DNHD1: variants seen among roughly 807,000 people sequenced by gnomAD.
DNHD1 encodes dynein heavy chain domain 1, also known as dynein heavy chain domain-containing protein 1.
DNHD1 carries 383 observed loss-of-function variants against 458.1 expected under a neutral mutation model. That is an observed-to-expected ratio of 0.84 (90% confidence interval 0.77 to 0.91). The LOEUF (loss-of-function observed/expected upper bound fraction) is 0.91, where lower values mean the gene tolerates loss of function less well. Among genes scored for constraint, DNHD1 ranks in the 40% least tolerant of loss-of-function variants. DNHD1 has a pLI of 0.00. For missense variants in DNHD1, 5,336 were observed against 5,866.1 expected (o/e 0.91, Z 2.95); for synonymous variants, 2,203 against 2,376.9 (o/e 0.93, Z 2.13).
At chr11:6,562,831 G>C (rs1432103682) in intron 28 of DNHD1, 151 bp from the exon 29 acceptor site, 1 of 867,434 alleles carries the variant, frequency 1.2e-6, no homozygotes. Context: ...GACAGACCCA[G>C]AGCTCAGCCT....
At chr11:6,544,738 A>G in intron 20 of DNHD1, 54 bp from the exon 21 acceptor site, 1 of 1,540,900 alleles carries the variant, frequency 6.5e-7, no homozygotes, top group Non-Finnish European at 8.8e-7. Flanking sequence ...AGCGTGGGAA[A>G]GGGGAGCTGC....
rs1446196003 is a variant in DNHD1, at chr11:6,568,444, C to G, written c.12539-10C>G. On this transcript the variant is annotated splice_polypyrimidine_tract_variant and intron_variant, in intron 37 of 42. Transcript: ENST00000254579. ...CCAAGGACTGATCTCAGACCCTTGT[C>G]TGACTCTAGTGGTTGCAGACCTGGA... 6.2e-7 allele frequency: 1 copy of G among 1,612,990 alleles called. No individual in the cohort carries two copies. Among genetic ancestry groups the G allele is most frequent in the Admixed American group, 1.7e-5 (1 of 60,032 alleles).
At chr11:6,518,008 T>G (rs1193415645) in intron 7 of DNHD1, among the ~76,000 whole-genome samples, 2 of 152,184 alleles carry the variant, frequency 1.3e-5, no homozygotes, top group East Asian at 3.8e-4. Flanking sequence ...CTAAAAATGT[T>G]TTTATTTATC....
At chr11:6,512,008 G>T (rs1322493335) in intron 7 of DNHD1, among the ~76,000 whole-genome samples, 2 of 151,586 alleles carry the variant, frequency 1.3e-5, no homozygotes, top group Non-Finnish European at 2.9e-5. Flanking sequence ...TGTGTAGATA[G>T]TCCGGTTCTG....
rs1853231029 is a variant in DNHD1 at position 6,546,858 on chromosome 11, G to T, written c.5919G>T (p.Gly1973=). ...TGGATCCCAGCCCTGACATTTTGGG[G>T]TCCTTGGAACAGTTGAGCCAGGCCC... is the stretch of plus-strand genomic sequence containing the variant. ...VGLDPSPDIL[G]SLEQLSQALS... Residue 1973 remains glycine, a synonymous_variant, in exon 21 of 43, where the codon GGG becomes GGT. Transcript: ENST00000254579. 1.3e-6 allele frequency: 2 copies of T among 1,551,648 alleles called. No homozygotes were observed. The highest frequency in any genetic ancestry group is 1.4e-5 in the African/African-American group (1 of 73,066).
chr11:6,519,657 G>C lies in DNHD1; in HGVS notation c.1450G>C (p.Asp484His). The change falls in exon 8 of 43, where the codon GAC (aspartate) becomes CAC (histidine). Residue 484 changes from aspartate (D) to histidine (H), a missense_variant. Asp to His is a moderately conservative substitution (Grantham distance 81). This residue lies in a region of DNHD1 where 3,932 missense variants were observed against 4,365.6 expected (regional missense o/e 0.90). Coordinates refer to ENST00000254579, the MANE Select transcript of DNHD1 (RefSeq NM_144666.3). ...QCLQERVQNC[D>H]RIRTGQGSIY... ...CCTACAGGAGCGAGTACAAAACTGTGACAGGATCAGGACAGGCCAAGGCTC... is the reference window on the plus strand; with the variant it reads ...CCTACAGGAGCGAGTACAAAACTGTCACAGGATCAGGACAGGCCAAGGCTC... 6.2e-7 allele frequency: 1 copy of C among 1,614,144 alleles called. No individual in the cohort carries two copies. The highest frequency in any genetic ancestry group is 8.5e-7 in the Non-Finnish European group (1 of 1,180,020).
At chr11:6,566,026 T>C (rs1187597720) in intron 33 of DNHD1, 35 bp downstream of exon 33, 3 of 1,540,254 alleles carry the variant, frequency 1.9e-6, no homozygotes, top group Admixed American at 2.0e-5. Flanking sequence ...TGGCCCCTTT[T>C]TGACTTGCCC....
intron 16 of DNHD1, 106 bp from the exon 17 acceptor site, chr11:6,539,113 C>CT: frequency 1.3e-6 from 1 of 770,852 alleles, no homozygotes; most frequent in South Asian, 1.7e-5. Context: ...GATCTGCTAT[C>CT]TGGGGTCTGA....
chr11:6,567,216 C>G lies in DNHD1; in HGVS notation c.11707C>G (p.Leu3903Val). The stretch of plus-strand genomic sequence containing the variant: ...ACGTGAGATTAATCACGGGGAGGAC[C>G]TGGCCAGCCATCTACTGCAATTGAG... ...KPREINHGED[L>V]ASHLLQLRAH... The change falls in exon 36 of 43, where the codon CTG becomes GTG. Residue 3903 changes from leucine to valine, a missense_variant. Leu to Val is a conservative substitution (Grantham distance 32, BLOSUM62 1). Coordinates refer to ENST00000254579, the MANE Select transcript of DNHD1 (RefSeq NM_144666.3). The G allele has an allele frequency of 4.3e-6, 7 of 1,613,984 alleles. No individual in the cohort carries two copies. The highest frequency in any genetic ancestry group is 5.9e-6 in the Non-Finnish European group (7 of 1,179,906).
chr11:6,506,535 A>T (rs540910913), intron 4 of DNHD1, among the ~76,000 whole-genome samples: 2 of 152,242 alleles, frequency 1.3e-5, no homozygotes, highest in East Asian at 3.9e-4. Flanking sequence ...CTGTTTCATT[A>T]TATTTATTTA....
chr11:6,524,870 C>CAAAA (rs757417817), intron 10 of DNHD1, among the ~76,000 whole-genome samples: 3 of 152,124 alleles, frequency 2.0e-5, no homozygotes, highest in East Asian at 3.8e-4. Context: ...GTGGCCTAAA[C>CAAAA]AAAATAAAAC....
Position 6,546,456 on chromosome 11 carries a change from T to G in DNHD1, c.5517T>G (p.Thr1839=). 6.4e-7 allele frequency: 1 copy of G among 1,551,172 alleles called. No individual in the cohort carries two copies. Among genetic ancestry groups the G allele is most frequent in the South Asian group, 1.2e-5 (1 of 84,064 alleles). ...ATCTGCGGCAAGTGGCAGAGCTGAC[T>G]CTGCTGGGTGCAGGGATGAGGGATG... The part of the protein sequence containing the change: ...LPDLRQVAEL[T]LLGAGMRDAF... Residue 1839 remains threonine, a synonymous_variant, in exon 21 of 43, where the codon ACT becomes ACG. Transcript: ENST00000254579.
chr11:6,509,170 A>C lies in DNHD1; in HGVS notation c.1133A>C (p.Lys378Thr). ...LLRKSFTCWK[K>T]NVRLQGLHRL... is the part of the protein sequence containing the mutation. ...TGACCTCTAATTTCTAGTTGGAAGA[A>C]GAATGTGAGATTACAGGGGCTGCAT... Residue 378 changes from lysine (K) to threonine (T), a missense_variant, in exon 6 of 43, where the codon AAG becomes ACG. Lys to Thr is a moderately conservative substitution (Grantham distance 78). Coordinates refer to ENST00000254579, the MANE Select transcript of DNHD1 (RefSeq NM_144666.3). The C allele has an allele frequency of 6.2e-7, 1 of 1,614,228 alleles. No homozygotes were observed. The highest frequency in any genetic ancestry group is 8.5e-7 in the Non-Finnish European group (1 of 1,180,040).
intron 12 of DNHD1, among the ~76,000 whole-genome samples, chr11:6,530,905 T>C (rs1316969724): frequency 1.3e-5 from 2 of 152,038 alleles, no homozygotes; most frequent in Non-Finnish European, 2.9e-5. Context: ...CCAACTAGTC[T>C]CTTTAAGAGG....
chr11:6,506,056 G>A (rs777436564), intron 4 of DNHD1, among the ~76,000 whole-genome samples: 2 of 150,526 alleles, frequency 1.3e-5, no homozygotes, highest in Non-Finnish European at 3.0e-5. Context: ...GAACTAAAAA[G>A]GCAATGGATG....
intron 7 of DNHD1, among the ~76,000 whole-genome samples, chr11:6,516,069 G>GAGCC (rs142321381): frequency 0.044 from 6,681 of 150,658 alleles, 477 homozygotes; most frequent in African/African-American, 0.15. Flanking sequence ...TTATAGGCAT[G>GAGCC]AGCCACCACA....
Position 6,563,774 on chromosome 11 carries a change from G to A in DNHD1, c.9934G>A (p.Asp3312Asn), listed in dbSNP as rs1201188749. The change falls in exon 31 of 43, where the codon GAC becomes AAC. Residue 3312 changes from aspartate to asparagine, a missense_variant. Physicochemically the swap from Asp to Asn is conservative, Grantham distance 23. Around this residue, in one of 4 missense-constraint regions of DNHD1, gnomAD observed 3,932 missense variants for 4,365.6 expected, o/e 0.90. Transcript: ENST00000254579. The part of the protein sequence containing the change: ...LHLILKAPGM[D>N]DAALRAVSRP... ...TCTAATTCTGAAGGCTCCAGGTATG[G>A]ACGATGCAGCCCTGCGGGCAGTGAG... 6.4e-7 allele frequency: 1 copy of A among 1,551,628 alleles called. No homozygotes were observed. Among genetic ancestry groups the A allele is most frequent in the Non-Finnish European group, 8.7e-7 (1 of 1,146,990 alleles).
intron 13 of DNHD1, 57 bp from the exon 14 acceptor site, chr11:6,533,624 G>A: frequency 1.3e-6 from 2 of 1,499,208 alleles, no homozygotes; most frequent in Non-Finnish European, 1.8e-6. Flanking sequence ...TTGGGGATGG[G>A]ACCAAAGAGG....
chr11:6,562,984 T>G lies in DNHD1; in HGVS notation c.9522T>G (p.Ser3174Arg). ...LEQQLKDSGK[S>R]LSMFQQQLEQ... The stretch of plus-strand genomic sequence containing the variant: ...AGGGCCTGGATCTGTCTCTGCAGAG[T>G]CTCAGCATGTTTCAGCAGCAGCTAG... Residue 3174 changes from serine (S) to arginine (R), a missense_variant and splice_region_variant, in exon 29 of 43, where the codon AGT (serine) becomes AGG (arginine). Ser to Arg is a moderately radical substitution (Grantham distance 110). Coordinates refer to ENST00000254579, the MANE Select transcript of DNHD1 (RefSeq NM_144666.3). The G allele has an allele frequency of 6.4e-7, 1 of 1,551,320 alleles. No homozygotes were observed. Among genetic ancestry groups the G allele is most frequent in the Non-Finnish European group, 8.7e-7 (1 of 1,146,848 alleles).
Sources: gnomAD v4.1 joint callset for allele counts (sites outside exome capture counted in the v4.1 genomes callset) on GRCh38, gnomAD v4.1.1 for gene constraint, gnomAD v4.1.1 regional missense constraint, MANE v1.5 for transcripts, NCBI Gene and HGNC (gene_info 2026-07-23, HGNC 2026-07-21) for gene names.